The following AHNAK variants were observed in gnomAD, a reference collection of about 807,000 sequenced individuals.
The protein encoded by AHNAK is neuroblast differentiation-associated protein AHNAK.
A neutral mutation model predicts 37.8 loss-of-function variants in AHNAK; 23 were observed. That is an observed-to-expected ratio of 0.61 (90% CI 0.44 to 0.86). The LOEUF is 0.86. Among genes scored for constraint, AHNAK ranks in the 40% least tolerant of loss-of-function variants. AHNAK has a pLI of 0.00. For synonymous variants in AHNAK, 2,481 were observed against 2,636.3 expected (o/e 0.94, Z 1.80); for missense variants, 7,411 against 7,319.4 (o/e 1.01, Z -0.46).
intron 5 of AHNAK, among the ~76,000 whole-genome samples, chr11:62,463,804 C>T (rs191778596): frequency 1.3e-5 from 2 of 152,094 alleles, no homozygotes; most frequent in East Asian, 3.9e-4. Context: ...TGCTCTATCC[C>T]CCAGGCTGGA....
chr11:62,503,539 T>A (rs1361453547), intron 4 of AHNAK, among the ~76,000 whole-genome samples: 1 of 149,450 alleles, frequency 6.7e-6, no homozygotes, highest in Non-Finnish European at 1.5e-5. Context: ...GCCAAGACCG[T>A]GTCATTGCAC....
Position 62,532,008 on chromosome 11 carries a change from C to T in AHNAK, c.2409G>A (p.Gly803=). Residue 803 remains glycine (G), a synonymous_variant, in exon 5 of 5, where the codon GGG becomes GGA. Coordinates refer to ENST00000378024, the MANE Select transcript of AHNAK (RefSeq NM_001620.3). The part of the protein sequence containing the change: ...SIEEPEGKLK[G]PKFKMPEMNI... ...TCATCTCAGGCATCTTAAACTTGGG[C>T]CCTTTCAATTTCCCTTCTGGTTCCT... 2 of 1,613,404 alleles carry T rather than the reference C, an allele frequency of 1.2e-6. No homozygotes were observed. The highest frequency in any genetic ancestry group is 1.7e-6 in the Non-Finnish European group (2 of 1,179,888).
rs201212781 is a variant in AHNAK, at chr11:62,522,773, G to A, written c.11644C>T (p.Leu3882=). Residue 3882 remains leucine (L), a synonymous_variant, in exon 5 of 5, where the codon CTG becomes TTG. Transcript: ENST00000378024. ...KISMPDIDLN[L]KGPKVKGDMD... Reference sequence around the variant, plus strand: ...TCACCCTTCACTTTGGGTCCTTTCAGGTTAAGATCAATGTCAGGCATGGAG... The same window carrying A: ...TCACCCTTCACTTTGGGTCCTTTCAAGTTAAGATCAATGTCAGGCATGGAG... 9 of 1,613,448 alleles carry A rather than the reference G, an allele frequency of 5.6e-6. No homozygotes were observed. The South Asian group carries it at 9.9e-5, about 18-fold the overall frequency.
intron 5 of AHNAK, among the ~76,000 whole-genome samples, chr11:62,437,439 C>T (rs1268532500): frequency 6.6e-6 from 1 of 152,202 alleles, no homozygotes; most frequent in Non-Finnish European, 1.5e-5. Context: ...ACTGCAACAT[C>T]TGCCTCCTGG....
At chr11:62,468,278 G>A (rs1172258973) in intron 5 of AHNAK, among the ~76,000 whole-genome samples, 15 of 151,986 alleles carry the variant, frequency 9.9e-5, no homozygotes, top group Admixed American at 9.8e-4. Context: ...AACCTGGGAG[G>A]TGGAGGTTGC....
In AHNAK at chr11:62,519,465, T is replaced by C; in HGVS notation, c.14952A>G (p.Ala4984=). The C allele has an allele frequency of 1.2e-6, 2 of 1,612,676 alleles. No homozygotes were observed. The highest frequency in any genetic ancestry group is 1.7e-6 in the Non-Finnish European group (2 of 1,179,600). ...KFKKPKFGFG[A]KSPKADIKSP... is the part of the protein sequence containing the mutation. ...ACTTGATGTCAGCTTTGGGGCTTTT[T>C]GCCCCAAATCCAAACTTGGGTTTCT... Residue 4984 remains alanine (A), a synonymous_variant, in exon 5 of 5, where the codon GCA becomes GCG. Transcript: ENST00000378024.
chr11:62,438,353 T>A (rs1416906614), intron 5 of AHNAK, among the ~76,000 whole-genome samples: 1 of 152,034 alleles, frequency 6.6e-6, no homozygotes, highest in Non-Finnish European at 1.5e-5. Flanking sequence ...CAGCTAATTT[T>A]TGTATTTTTA....
intron 5 of AHNAK, among the ~76,000 whole-genome samples, chr11:62,466,388 A>G (rs1466505850): frequency 6.6e-6 from 1 of 152,036 alleles, no homozygotes; most frequent in Admixed American, 6.6e-5. Context: ...AGAGTTGTAT[A>G]TAGCCAGCTA....
In AHNAK at chr11:62,517,259, A is replaced by C; in HGVS notation, c.17158T>G (p.Ser5720Ala). The change falls in exon 5 of 5, where the codon TCC (serine) becomes GCC (alanine). Residue 5720 changes from serine to alanine, a missense_variant. Ser to Ala is a moderately conservative substitution (Grantham distance 99). Coordinates refer to ENST00000378024, the MANE Select transcript of AHNAK (RefSeq NM_001620.3). The stretch of plus-strand genomic sequence containing the variant: ...ACACCACCTTTCCCTTTAGGTTTGG[A>C]AAAATTAAACTTGGGCATTTTGATC... ...SKIKMPKFNFSKPKGKGGVTG... is the reference protein window; with the variant it reads ...SKIKMPKFNFAKPKGKGGVTG... 6.2e-7 allele frequency: 1 copy of C among 1,614,076 alleles called. No individual in the cohort carries two copies. Among genetic ancestry groups the C allele is most frequent in the Non-Finnish European group, 8.5e-7 (1 of 1,180,026 alleles).
chr11:62,482,186 G>A (rs779252432), intron 5 of AHNAK, among the ~76,000 whole-genome samples: 1 of 152,264 alleles, frequency 6.6e-6, no homozygotes, highest in Non-Finnish European at 1.5e-5. Context: ...AGCCCAAGGC[G>A]GACTGCTCAC....
chr11:62,532,511 A>C lies in AHNAK; in HGVS notation c.1906T>G (p.Phe636Val). ...LKMPKMKMPT[F>V]STPGAKGEGP... ...TCCCCTTTGGCTCCTGGAGTGCTGA[A>C]CGTGGGCATTTTCATCTTGGGCATT... is the stretch of plus-strand genomic sequence containing the variant. Residue 636 changes from phenylalanine to valine, a missense_variant, in exon 5 of 5, where the codon TTC becomes GTC. Coordinates refer to ENST00000378024, the MANE Select transcript of AHNAK (RefSeq NM_001620.3). 6.2e-7 allele frequency: 1 copy of C among 1,613,962 alleles called. No individual in the cohort carries two copies. The highest frequency in any genetic ancestry group is 8.5e-7 in the Non-Finnish European group (1 of 1,179,992).
chr11:62,529,925 C>T lies in AHNAK; in HGVS notation c.4492G>A (p.Asp1498Asn). 6.2e-7 allele frequency: 1 copy of T among 1,612,592 alleles called. No homozygotes were observed. The highest frequency in any genetic ancestry group is 8.5e-7 in the Non-Finnish European group (1 of 1,179,692). Residue 1498 changes from aspartate to asparagine, a missense_variant, in exon 5 of 5, where the codon GAT (aspartate) becomes AAT (asparagine). Asp to Asn is a conservative substitution (Grantham distance 23). Transcript: ENST00000378024. The part of the protein sequence containing the change: ...KGPKVDINAP[D>N]VEVHGPDWHL... ...CAGTCTGGGCCATGAACCTCCACAT[C>T]TGGTGCATTAATATCAACTTTGGGG...
chr11:62,451,845 TCAC>T (rs1181127217), intron 5 of AHNAK, among the ~76,000 whole-genome samples: 1 of 148,078 alleles, frequency 6.8e-6, no homozygotes, highest in Non-Finnish European at 1.5e-5. Flanking sequence ...TCTTGCTCTG[TCAC>T]CCAAGCTGGA....
At position 62,520,469 on chromosome 11, in the gene AHNAK, G is replaced by A. The variant is rs139570674; in HGVS notation, c.13948C>T (p.Leu4650=). The change falls in exon 5 of 5, where the codon CTA becomes TTA. Residue 4650 remains leucine (L), a synonymous_variant. Coordinates refer to ENST00000378024, the MANE Select transcript of AHNAK (RefSeq NM_001620.3). The part of the protein sequence containing the change: ...DVDVQGPDWH[L]KMPKVKMPKF... ...GGCATTTTCACTTTGGGCATTTTTA[G>A]GTGCCAGTCTGGGCCTTGAACGTCC... The A allele has an allele frequency of 9.7e-5, 156 of 1,614,042 alleles. 1 individual carries two copies. The African/African-American group carries it at 1.6e-3, about 17-fold the overall frequency.
rs765927091 is a variant in AHNAK, at chr11:62,518,258, C to T, written c.16159G>A (p.Val5387Ile). ...SGDIKCPKVSVGAPDLSLEAS... is the reference protein window; with the variant it reads ...SGDIKCPKVSIGAPDLSLEAS... ...TCCAAGCTTAGATCAGGAGCTCCTA[C>T]GGATACTTTAGGGCATTTGATGTCA... The change falls in exon 5 of 5, where the codon GTA becomes ATA. Residue 5387 changes from valine to isoleucine, a missense_variant. Physicochemically the swap from Val to Ile is conservative, Grantham distance 29. Transcript: ENST00000378024. 32 of 1,614,046 alleles carry T rather than the reference C, an allele frequency of 2.0e-5. No homozygotes were observed. Among genetic ancestry groups the T allele is most frequent in the African/African-American group, 6.7e-5 (5 of 74,922 alleles).
At chr11:62,448,572 C>T (rs544387489) in intron 5 of AHNAK, among the ~76,000 whole-genome samples, 1 of 152,016 alleles carries the variant, frequency 6.6e-6, no homozygotes, top group East Asian at 1.9e-4. Flanking sequence ...TGAAGGCAGG[C>T]GGGCTGATAC....
chr11:62,526,035 G>A lies in AHNAK; in HGVS notation c.8382C>T (p.Asp2794=), dbSNP rs1940470105. ...PDVDVNLPKA[D]IDVSGPKVDV... ...CCACTTTCGGTCCTGAGACATCAAT[G>A]TCAGCCTTGGGCAGGTTCACGTCCA... The change falls in exon 5 of 5, where the codon GAC becomes GAT. Residue 2794 remains aspartate, a synonymous_variant. Transcript: ENST00000378024. 3 of 1,613,562 alleles carry A rather than the reference G, an allele frequency of 1.9e-6. No individual in the cohort carries two copies. Among genetic ancestry groups the A allele is most frequent in the South Asian group, 1.1e-5 (1 of 91,056 alleles).
chr11:62,517,002 T>C lies in AHNAK; in HGVS notation c.17415A>G (p.Glu5805=). 1.2e-6 allele frequency: 2 copies of C among 1,614,202 alleles called. No individual in the cohort carries two copies. Among genetic ancestry groups the C allele is most frequent in the Middle Eastern group, 1.6e-4 (1 of 6,062 alleles). ...PTGTLEFEGG[E]VSLEGGKVKG... ...TAACTTTCCCACCTTCCAGAGACAC[T>C]TCCCCACCTTCAAACTCCAGCGTCC... The change falls in exon 5 of 5, where the codon GAA becomes GAG. Residue 5805 remains glutamate, a synonymous_variant. Transcript: ENST00000378024.
In AHNAK at chr11:62,523,595, G is replaced by T; in HGVS notation, c.10822C>A (p.Pro3608Thr). 6.2e-7 allele frequency: 1 copy of T among 1,614,116 alleles called. No homozygotes were observed. Among genetic ancestry groups the T allele is most frequent in the Non-Finnish European group, 8.5e-7 (1 of 1,180,030 alleles). ...WHLKMPKVKM[P>T]KFSMPGFKGE... Reference sequence around the variant, plus strand: ...TTGAAGCCAGGCATGCTGAACTTGGGCATTTTCACTTTGGGCATCTTCAGA... The same window carrying T: ...TTGAAGCCAGGCATGCTGAACTTGGTCATTTTCACTTTGGGCATCTTCAGA... The change falls in exon 5 of 5, where the codon CCC becomes ACC. Residue 3608 changes from proline to threonine, a missense_variant. Pro to Thr is a conservative substitution (Grantham distance 38). Transcript: ENST00000378024.
Sources: allele counts gnomAD v4.1 joint callset (sites outside exome capture counted in the v4.1 genomes callset), GRCh38; gene constraint gnomAD v4.1.1; transcripts MANE v1.5; gene names NCBI Gene and HGNC (gene_info 2026-07-23, HGNC 2026-07-21).